Variants in NSMCE2 observed in about 807,000 individuals in gnomAD.
NSMCE2 encodes E3 SUMO-protein ligase NSE2.
NSMCE2 carries 24 observed loss-of-function variants against 23.8 expected under a neutral mutation model. The observed-to-expected ratio is 1.01, with a 90% CI of 0.73 to 1.42. The LOEUF (loss-of-function observed/expected upper bound fraction) is 1.42. Ranked by LOEUF, NSMCE2 falls within the 40% of genes most tolerant of loss-of-function variation. NSMCE2 has a pLI of 0.00. For missense variants in NSMCE2, 284 were observed against 296.5 expected, an observed-to-expected ratio of 0.96 and a Z score of 0.31; for synonymous variants, 92 against 94.1, an observed-to-expected ratio of 0.98 and a Z score of 0.13.
At chr8:125,209,769 C>T (rs1012366065) in intron 5 of NSMCE2, among the ~76,000 whole-genome samples, 2 of 152,118 alleles carry the variant, frequency 1.3e-5, no homozygotes, top group African/African-American at 2.4e-5. Context: ...CTAGAGAATT[C>T]TTTAGGGGAA....
At chr8:125,092,598 G>A (rs1265342160) in intron 1 of NSMCE2, among the ~76,000 whole-genome samples, 2 of 152,198 alleles carry the variant, frequency 1.3e-5, no homozygotes, top group Non-Finnish European at 2.9e-5. Context: ...GCAATTGTAT[G>A]AGAAGGATTC....
rs934833745 is a variant in NSMCE2, at chr8:125,255,537, G to T, written c.418+73281G>T. ...AGGGTGGCGTGTTCTAGGCAGAGGG[G>T]ACAACAGTGTGATCACAAGCAGAGA... On this transcript the variant is annotated intron_variant, in intron 5 of 7. Coordinates refer to ENST00000287437, the MANE Select transcript of NSMCE2 (RefSeq NM_173685.4). Among the ~76,000 whole-genome samples the T allele has an allele frequency of 1.8e-4, 28 of 152,030 alleles. 1 individual carries two copies. The highest frequency in any genetic ancestry group is 5.9e-5 in the Non-Finnish European group (4 of 68,012).
chr8:125,284,205 A>C (rs1406616270), intron 5 of NSMCE2, among the ~76,000 whole-genome samples: 1 of 152,022 alleles, frequency 6.6e-6, no homozygotes, highest in Admixed American at 6.6e-5. Flanking sequence ...AGTAAAAAAA[A>C]AAAAGAAAAA....
chr8:125,251,999 T>C (rs1034413011), intron 5 of NSMCE2, among the ~76,000 whole-genome samples: 1 of 152,158 alleles, frequency 6.6e-6, no homozygotes, highest in African/African-American at 2.4e-5. Context: ...TGATAAACCA[T>C]TGAAATATGG....
intron 5 of NSMCE2, among the ~76,000 whole-genome samples, chr8:125,271,963 A>G (rs1461247010): frequency 6.6e-6 from 1 of 151,754 alleles, no homozygotes; most frequent in African/African-American, 2.4e-5. Context: ...GACTTGGCCA[A>G]GGCTATTTAG....
intron 1 of NSMCE2, among the ~76,000 whole-genome samples, chr8:125,093,158 G>GT (rs1184489740): frequency 1.3e-5 from 2 of 152,202 alleles, no homozygotes; most frequent in Non-Finnish European, 2.9e-5. Context: ...TCCGGGGCCT[G>GT]TTTCCTGGTT....
At chr8:125,176,604 G>A (rs977966341) in intron 4 of NSMCE2, among the ~76,000 whole-genome samples, 2 of 152,148 alleles carry the variant, frequency 1.3e-5, no homozygotes, top group Non-Finnish European at 2.9e-5. Context: ...AGCAACACTG[G>A]AGATATGTAT....
At chr8:125,266,209 G>A (rs55927076) in intron 5 of NSMCE2, among the ~76,000 whole-genome samples, 16,625 of 151,084 alleles carry the variant, frequency 0.11, 1,063 homozygotes, top group South Asian at 0.17. Context: ...CTCCTGCCTC[G>A]GCCTCCCGAG....
chr8:125,337,884 CAAAAAAA>C (rs35658538), intron 5 of NSMCE2, among the ~76,000 whole-genome samples: 3 of 97,386 alleles, frequency 3.1e-5, no homozygotes, highest in Non-Finnish European at 4.0e-5. Context: ...AACTCTATCT[CAAAAAAA>C]AAAAAAAAAA....
chr8:125,146,641 C>T (rs1256688337), intron 3 of NSMCE2, among the ~76,000 whole-genome samples: 1 of 152,038 alleles, frequency 6.6e-6, no homozygotes, highest in African/African-American at 2.4e-5. Flanking sequence ...CAAACTATCG[C>T]AAGGACAGAA....
At chr8:125,305,225 A>G (rs1319423920) in intron 5 of NSMCE2, among the ~76,000 whole-genome samples, 1 of 152,242 alleles carries the variant, frequency 6.6e-6, no homozygotes, top group African/African-American at 2.4e-5. Context: ...TAAGGAATTT[A>G]ATACATTATT....
intron 4 of NSMCE2, among the ~76,000 whole-genome samples, chr8:125,165,775 GATGGATAGA>G (rs1463143193): frequency 6.6e-6 from 1 of 152,116 alleles, no homozygotes. Context: ...TTAGACTTGT[GATGGATAGA>G]ATTCATTTTC....
At chr8:125,214,460 C>T (rs368067132) in intron 5 of NSMCE2, among the ~76,000 whole-genome samples, 33 of 152,128 alleles carry the variant, frequency 2.2e-4, no homozygotes, top group African/African-American at 7.7e-4. Context: ...CTCACGGTCT[C>T]AACAAGGAAA....
chr8:125,274,884 C>T (rs559487498), intron 5 of NSMCE2, among the ~76,000 whole-genome samples: 15 of 148,622 alleles, frequency 1.0e-4, no homozygotes, highest in African/African-American at 2.2e-4. Context: ...GAGCCAAGAT[C>T]GCGCCATTGC....
At chr8:125,159,278 CAT>C (rs1271298070) in intron 4 of NSMCE2, among the ~76,000 whole-genome samples, 8 of 152,148 alleles carry the variant, frequency 5.3e-5, no homozygotes, top group Non-Finnish European at 7.3e-5. Flanking sequence ...TAGGATAAAA[CAT>C]AGTCATACAG....
intron 1 of NSMCE2, among the ~76,000 whole-genome samples, chr8:125,095,101 T>C (rs766836543): frequency 2.0e-5 from 3 of 152,266 alleles, no homozygotes; most frequent in African/African-American, 7.2e-5. Flanking sequence ...ACCTCCCACA[T>C]TGGCCTCCCA....
chr8:125,286,311 A>ATTTTTTTTTT (rs369845619), intron 5 of NSMCE2, among the ~76,000 whole-genome samples: 1 of 98,932 alleles, frequency 1.0e-5, no homozygotes, highest in Non-Finnish European at 2.5e-5. Flanking sequence ...AATACCTTTT[A>ATTTTTTTTTT]TTTATTTTTT....
At chr8:125,112,848 A>G (rs1234879502) in intron 3 of NSMCE2, among the ~76,000 whole-genome samples, 1 of 152,168 alleles carries the variant, frequency 6.6e-6, no homozygotes, top group East Asian at 1.9e-4. Context: ...TATAGTTAAT[A>G]ACTATTATAT....
At chr8:125,289,095 C>T (rs189426386) in intron 5 of NSMCE2, among the ~76,000 whole-genome samples, 12 of 152,242 alleles carry the variant, frequency 7.9e-5, no homozygotes, top group African/African-American at 2.6e-4. Flanking sequence ...TGGCCTTTTC[C>T]CCCAGTCTTT....
Sources: allele counts gnomAD v4.1 joint callset (sites outside exome capture counted in the v4.1 genomes callset), GRCh38; gene constraint gnomAD v4.1.1; transcripts MANE v1.5; gene names NCBI Gene and HGNC (gene_info 2026-07-23, HGNC 2026-07-21).